Variants in EPB41L3 observed in about 807,000 individuals in gnomAD.
EPB41L3 encodes the protein erythrocyte membrane protein band 4.1 like 3, also known as band 4.1-like protein 3.
A neutral mutation model predicts 127.1 loss-of-function variants in EPB41L3; 57 were observed. The observed-to-expected ratio is 0.45, with a 90% CI of 0.36 to 0.56. The LOEUF (loss-of-function observed/expected upper bound fraction) is 0.56, where lower values mean the gene tolerates loss of function less well. Among genes scored for constraint, EPB41L3 ranks in the 20% least tolerant of loss-of-function variants. EPB41L3 has a pLI of 0.00. For missense variants in EPB41L3, 1,273 were observed against 1,372.2 expected (o/e 0.93, Z 1.14); for synonymous variants, 572 against 549.5 (o/e 1.04, Z -0.57).
chr18:5,468,942 C>T (rs900608830), intron 3 of EPB41L3, among the ~76,000 whole-genome samples: 5 of 151,432 alleles, frequency 3.3e-5, no homozygotes, highest in Non-Finnish European at 7.4e-5. Flanking sequence ...AACAAACAAA[C>T]AAACAAACAA....
At chr18:5,518,045 C>A (rs951291732) in intron 1 of EPB41L3, among the ~76,000 whole-genome samples, 1 of 152,152 alleles carries the variant, frequency 6.6e-6, no homozygotes, top group African/African-American at 2.4e-5. Context: ...TAAGGGGTCT[C>A]CCTGCTCCGT....
chr18:5,587,297 C>A (rs1209187261), intron 3 of EPB41L3, among the ~76,000 whole-genome samples: 1 of 151,988 alleles, frequency 6.6e-6, no homozygotes, highest in East Asian at 1.9e-4. Context: ...TTAGCTTTTG[C>A]ACGTTAGTTT....
intron 2 of EPB41L3, among the ~76,000 whole-genome samples, chr18:5,483,498 T>G (rs1029320984): frequency 6.6e-6 from 1 of 152,106 alleles, no homozygotes; most frequent in Non-Finnish European, 1.5e-5. Context: ...TAACACTGAA[T>G]GTAAATGGTC....
intron 3 of EPB41L3, among the ~76,000 whole-genome samples, chr18:5,573,172 A>T (rs1438652822): frequency 2.6e-5 from 4 of 152,190 alleles, no homozygotes; most frequent in Non-Finnish European, 5.9e-5. Context: ...TGTGTAACAT[A>T]AGAATGTCAT....
intron 1 of EPB41L3, chr18:5,540,442 C>T (rs368638786): frequency 3.0e-4 from 299 of 985,430 alleles, no homozygotes; most frequent in African/African-American, 8.9e-4. Context: ...CCTGCCCCAC[C>T]CTTGTTTCCT....
chr18:5,407,117 A>C, intron 15 of EPB41L3, 149 bp from the exon 16 acceptor site: 1 of 642,322 alleles, frequency 1.6e-6, no homozygotes. Context: ...TACCACAAAC[A>C]CTCTGGTGAA....
intron 1 of EPB41L3, among the ~76,000 whole-genome samples, chr18:5,524,019 TA>T (rs1199982164): frequency 6.6e-6 from 1 of 152,172 alleles, no homozygotes; most frequent in Non-Finnish European, 1.5e-5. Context: ...ATGTGTGTGT[TA>T]GGGGTGCCCT....
intron 3 of EPB41L3, among the ~76,000 whole-genome samples, chr18:5,586,687 C>T (rs141969188): frequency 1.1e-4 from 17 of 151,614 alleles, no homozygotes; most frequent in East Asian, 1.9e-4. Context: ...CAGGCATGAG[C>T]TACAGTGCCA....
intron 3 of EPB41L3, among the ~76,000 whole-genome samples, chr18:5,581,783 G>C (rs1249173758): frequency 2.0e-5 from 3 of 152,168 alleles, no homozygotes; most frequent in African/African-American, 7.2e-5. Context: ...GATTGCTTGA[G>C]CCCAGGAGTT....
intron 1 of EPB41L3, among the ~76,000 whole-genome samples, chr18:5,527,308 C>G (rs2093260232): frequency 1.3e-5 from 2 of 152,184 alleles, no homozygotes; most frequent in Admixed American, 1.3e-4. Flanking sequence ...CAGGCAAGCT[C>G]TTCTCATCAC....
intron 9 of EPB41L3, among the ~76,000 whole-genome samples, chr18:5,427,469 T>C (rs918166162): frequency 1.3e-5 from 2 of 152,192 alleles, no homozygotes; most frequent in African/African-American, 4.8e-5. Flanking sequence ...AAGGACTAGT[T>C]AACAATTCTG....
At chr18:5,437,358 C>T (rs2080008400) in intron 6 of EPB41L3, among the ~76,000 whole-genome samples, 1 of 152,194 alleles carries the variant, frequency 6.6e-6, no homozygotes, top group African/African-American at 2.4e-5. Flanking sequence ...AGGACCTGAC[C>T]TGCGGGCACC....
At chr18:5,407,434 A>G in intron 15 of EPB41L3, 1 of 533,186 alleles carries the variant, frequency 1.9e-6, no homozygotes, top group Non-Finnish European at 3.3e-6. Flanking sequence ...TACCAATACC[A>G]ACCTCTAACA....
Position 5,559,083 on chromosome 18 carries a change from A to G in EPB41L3, c.-306+53257T>C, listed in dbSNP as rs771390187. On this transcript the variant is annotated intron_variant, in intron 3 of 21. Coordinates refer to the EPB41L3 transcript ENST00000545076. Reference sequence around the variant, plus strand: ...AAGAATAATTTGGCATGTGCTCCTTATAAAGATGAATAAACAATTTTTTTT... The same window carrying G: ...AAGAATAATTTGGCATGTGCTCCTTGTAAAGATGAATAAACAATTTTTTTT... Among the ~76,000 whole-genome samples, 83 of 150,056 alleles carry G rather than the reference A, an allele frequency of 5.5e-4. No homozygotes were observed. In the Middle Eastern group the frequency reaches 0.01, roughly 19 times the overall value.
At chr18:5,621,861 T>C (rs2094866603) in intron 1 of EPB41L3, among the ~76,000 whole-genome samples, 1 of 152,236 alleles carries the variant, frequency 6.6e-6, no homozygotes, top group Admixed American at 6.5e-5. Flanking sequence ...ATAAAAAGTA[T>C]AAATTAATTT....
In EPB41L3 at chr18:5,400,988, G is replaced by A. The variant is rs142925857; in HGVS notation, c.2350-2845C>T. 2.2e-5 allele frequency: 33 copies of A among 1,533,444 alleles called. No homozygotes were observed. The African/African-American group carries it at 4.0e-4, about 18-fold the overall frequency. 95.0% of individuals were successfully genotyped at this position (1,533,444 alleles called of 1,614,324 possible). On this transcript the variant is annotated intron_variant, in intron 16 of 22. Coordinates refer to ENST00000341928, the MANE Select transcript of EPB41L3 (RefSeq NM_012307.5). ...TTTTACCTGAGACTCAAGGAATGGAGCGCTTCCTTGCTGCAAAAATATAAC... is the reference window on the plus strand; with the variant it reads ...TTTTACCTGAGACTCAAGGAATGGAACGCTTCCTTGCTGCAAAAATATAAC...
chr18:5,615,946 C>A (rs1224939054), intron 1 of EPB41L3, among the ~76,000 whole-genome samples: 1 of 152,192 alleles, frequency 6.6e-6, no homozygotes, highest in Non-Finnish European at 1.5e-5. Context: ...AGGTTCTCCT[C>A]CAGAACCTCA....
intron 3 of EPB41L3, among the ~76,000 whole-genome samples, chr18:5,588,528 AAT>A: frequency 7.8e-6 from 1 of 128,846 alleles, no homozygotes; most frequent in African/African-American, 2.6e-5. Context: ...TGTGTATGTA[AAT>A]ATGTGTATAT....
chr18:5,499,280 T>G (rs1402549102), intron 1 of EPB41L3, among the ~76,000 whole-genome samples: 2 of 152,142 alleles, frequency 1.3e-5, no homozygotes, highest in African/African-American at 2.4e-5. Flanking sequence ...ACAGAGCTGT[T>G]TATCCCACAC....
Sources: allele counts gnomAD v4.1 joint callset (sites outside exome capture counted in the v4.1 genomes callset), GRCh38; gene constraint gnomAD v4.1.1; transcripts MANE v1.5; gene names NCBI Gene and HGNC (gene_info 2026-07-23, HGNC 2026-07-21).